Variants in ZNF717 observed in about 807,000 individuals in gnomAD.
ZNF717 encodes the protein zinc finger protein 717.
A neutral mutation model predicts 13.8 loss-of-function variants in ZNF717; 9 were observed. The ratio of observed to expected loss-of-function variants is 0.65; its 90% CI spans 0.39 to 1.14. The LOEUF (loss-of-function observed/expected upper bound fraction) is 1.14, where lower values mean the gene tolerates loss of function less well. Ranked by LOEUF, ZNF717 falls within the 50% of genes most tolerant of loss-of-function variation. The pLI, the probability that ZNF717 is intolerant of heterozygous loss-of-function variation, is 0.01. For synonymous variants in ZNF717, 327 were observed against 364.1 expected (o/e 0.90, Z 1.16); for missense variants, 1,040 against 1,080.7 (o/e 0.96, Z 0.53).
At chr3:75,758,062 G>A (rs1236400173) in intron 2 of ZNF717, among the ~76,000 whole-genome samples, 1 of 142,872 alleles carries the variant, frequency 7.0e-6, no homozygotes, top group African/African-American at 2.6e-5. Flanking sequence ...AGGTTTCAGT[G>A]AGCTGAGATC....
At chr3:75,708,847 G>A (rs78137626), downstream of ZNF717, among the ~76,000 whole-genome samples, 1 of 152,166 alleles carries the variant, frequency 6.6e-6, no homozygotes, top group African/African-American at 2.4e-5. Context: ...TACAGGCCTT[G>A]TAGGATGCAT....
chr3:75,734,949 C>A (rs1344560634), downstream of ZNF717, among the ~76,000 whole-genome samples: 3 of 151,856 alleles, frequency 2.0e-5, no homozygotes, highest in African/African-American at 7.3e-5. Flanking sequence ...TCCAAGCCTC[C>A]CGAGTAGCTG....
chr3:75,706,392 G>C (rs559675339), downstream of ZNF717, among the ~76,000 whole-genome samples: 6 of 151,946 alleles, frequency 3.9e-5, no homozygotes, highest in Non-Finnish European at 8.8e-5. Flanking sequence ...TTTTAGACTT[G>C]GATTTTGCAG....
chr3:75,752,212 A>G (rs1385511305), intron 2 of ZNF717, among the ~76,000 whole-genome samples: 53 of 151,908 alleles, frequency 3.5e-4, no homozygotes, highest in African/African-American at 1.2e-3. Context: ...CGAGGGTCTG[A>G]ATGTTTTTCC....
chr3:75,727,589 C>T (rs1280391391), downstream of ZNF717, among the ~76,000 whole-genome samples: 1 of 152,224 alleles, frequency 6.6e-6, no homozygotes, highest in African/African-American at 2.4e-5. Flanking sequence ...ACACCCTGGT[C>T]TCCTGCAGTA....
chr3:75,744,155 GAAAAGTTCAATATTC>G, intron 2 of ZNF717, among the ~76,000 whole-genome samples: 1 of 152,220 alleles, frequency 6.6e-6, no homozygotes, highest in Admixed American at 6.5e-5. Context: ...CACGAATAAA[GAAAAGTTCAATATTC>G]GGAAGTCTAC....
At chr3:75,733,798 A>AAAAG (rs1466437540), downstream of ZNF717, among the ~76,000 whole-genome samples, 1 of 118,754 alleles carries the variant, frequency 8.4e-6, no homozygotes, top group African/African-American at 3.0e-5. Context: ...AAAAAAAAAA[A>AAAAG]AATTACATTC....
At chr3:75,780,787 CAAA>C (rs949431506) in intron 2 of ZNF717, among the ~76,000 whole-genome samples, 34 of 152,332 alleles carry the variant, frequency 2.2e-4, no homozygotes, top group African/African-American at 8.2e-4. Context: ...CAAACCAAAC[CAAA>C]ATGGAGTTAC....
chr3:75,728,807 G>A (rs879638824), downstream of ZNF717, among the ~76,000 whole-genome samples: 44 of 132,842 alleles, frequency 3.3e-4, no homozygotes, highest in East Asian at 6.5e-3. Context: ...CTTCAGAGCA[G>A]TATGAGAACA....
downstream of ZNF717, among the ~76,000 whole-genome samples, chr3:75,733,274 G>A (rs1280903560): frequency 6.6e-6 from 1 of 152,220 alleles, no homozygotes; most frequent in African/African-American, 2.4e-5. Context: ...GAGAGAAATA[G>A]AAGAAACATC....
At chr3:75,776,252 G>C (rs1445319667) in intron 2 of ZNF717, among the ~76,000 whole-genome samples, 3,125 of 151,050 alleles carry the variant, frequency 0.021, no homozygotes, top group African/African-American at 0.071. Flanking sequence ...TAAATATATT[G>C]GTGTGGTGAT....
chr3:75,699,558 CT>C (rs2106806303), intron 6 of ZNF717, among the ~76,000 whole-genome samples: 1 of 151,490 alleles, frequency 6.6e-6, no homozygotes, highest in African/African-American at 2.5e-5. Flanking sequence ...CACCTCCCCC[CT>C]GCCCTCACAC....
Position 75,722,046 on chromosome 3 carries a change from G to A in ZNF717, n.545-5505C>T, listed in dbSNP as rs1333599454. On this transcript the variant is annotated intron_variant and non_coding_transcript_variant, in intron 4 of 5. Transcript: ENST00000491507. Reference sequence around the variant, plus strand: ...GTGGATCACAAGGTCAAGAGATCAAGACCATCCTGGCCAACACGTTGAAAC... The same window carrying A: ...GTGGATCACAAGGTCAAGAGATCAAAACCATCCTGGCCAACACGTTGAAAC... Among the ~76,000 whole-genome samples the A allele has an allele frequency of 4.0e-5, 6 of 149,380 alleles. No individual in the cohort carries two copies. The East Asian group carries it at 1.2e-3, about 30-fold the overall frequency.
At chr3:75,732,828 T>G (rs1381165262), downstream of ZNF717, among the ~76,000 whole-genome samples, 2 of 152,156 alleles carry the variant, frequency 1.3e-5, no homozygotes, top group African/African-American at 4.8e-5. Context: ...TATCTAGGAA[T>G]AAAGAAAAAG....
chr3:75,706,736 G>T (rs1174009007), downstream of ZNF717, among the ~76,000 whole-genome samples: 1 of 152,304 alleles, frequency 6.6e-6, no homozygotes, highest in African/African-American at 2.4e-5. Flanking sequence ...ATTAGCTATC[G>T]AGAGATGGAG....
At chr3:75,748,673 G>C (rs1423942624) in intron 2 of ZNF717, among the ~76,000 whole-genome samples, 7 of 152,090 alleles carry the variant, frequency 4.6e-5, no homozygotes, top group Non-Finnish European at 8.8e-5. Flanking sequence ...AATGAATTAG[G>C]TATTGATGCG....
intron 4 of ZNF717, among the ~76,000 whole-genome samples, chr3:75,717,954 C>T (rs76268735): frequency 1.6e-4 from 24 of 152,226 alleles, no homozygotes; most frequent in African/African-American, 5.1e-4. Flanking sequence ...TTTCAGTGCA[C>T]GTAGTTTATT....
At chr3:75,730,522 T>G in exon 6 of ZNF717, 1 of 676,962 alleles carries the variant, frequency 1.5e-6, no homozygotes, top group African/African-American at 1.8e-5. Context: ...GATACAGACT[T>G]GGACACATCA....
chr3:75,766,665 C>T, intron 2 of ZNF717, among the ~76,000 whole-genome samples: 1 of 152,238 alleles, frequency 6.6e-6, no homozygotes, highest in East Asian at 1.9e-4. Flanking sequence ...AAATACAGAT[C>T]TAAATGACAA....
Sources: gnomAD v4.1 joint callset for allele counts (sites outside exome capture counted in the v4.1 genomes callset) on GRCh38, gnomAD v4.1.1 for gene constraint, MANE v1.5 for transcripts, NCBI Gene and HGNC (gene_info 2026-07-23, HGNC 2026-07-21) for gene names.